The following CD44 variants were observed in gnomAD, a reference collection of about 807,000 sequenced individuals.
The protein encoded by CD44 is CD44 antigen.
CD44 carries 49 observed loss-of-function variants against 88.8 expected under a neutral mutation model. The observed-to-expected ratio is 0.55, with a 90% CI of 0.44 to 0.70. The LOEUF is 0.70. Ranked by LOEUF, CD44 falls within the 30% of genes least tolerant of loss-of-function variation. The pLI is 0.00. For missense variants in CD44, 883 were observed against 913.8 expected, an observed-to-expected ratio of 0.97 and a Z score of 0.43; for synonymous variants, 325 against 312.3, an observed-to-expected ratio of 1.04 and a Z score of -0.43.
chr11:35,171,064 T>C (rs1943823243), intron 1 of CD44, among the ~76,000 whole-genome samples: 1 of 152,220 alleles, frequency 6.6e-6, no homozygotes, highest in South Asian at 2.1e-4. Context: ...GTGCCTAAAA[T>C]AGAGCCTGGC....
intron 3 of CD44, among the ~76,000 whole-genome samples, chr11:35,181,906 A>ATTATATATTATATATTATAATAT (rs1945108252): frequency 3.3e-5 from 2 of 60,838 alleles, no homozygotes; most frequent in African/African-American, 9.1e-5. Flanking sequence ...TATAATATAT[A>ATTATATATTATATATTATAATAT]ATATATATTA....
chr11:35,167,127 T>C (rs1943375897), intron 1 of CD44, among the ~76,000 whole-genome samples: 2 of 152,220 alleles, frequency 1.3e-5, no homozygotes, highest in African/African-American at 4.8e-5. Context: ...CTTCTTCGTG[T>C]CCTATTAAGA....
At chr11:35,205,526 T>C (rs144520930) in intron 10 of CD44, among the ~76,000 whole-genome samples, 1 of 152,346 alleles carries the variant, frequency 6.6e-6, no homozygotes, top group African/African-American at 2.4e-5. Flanking sequence ...TACTTCTTCA[T>C]TGGCTCAGAA....
intron 11 of CD44, among the ~76,000 whole-genome samples, chr11:35,207,857 C>T (rs935031256): frequency 2.6e-5 from 4 of 152,188 alleles, no homozygotes; most frequent in African/African-American, 9.7e-5. Context: ...GGAGTCCTTC[C>T]AGACTCAGCA....
intron 5 of CD44, chr11:35,190,276 T>C (rs1053358063): frequency 8.5e-6 from 5 of 587,380 alleles, no homozygotes; most frequent in Non-Finnish European, 1.5e-5. Flanking sequence ...TCTATAACTG[T>C]TTTTCTTACC....
At chr11:35,168,027 C>T (rs765004065) in intron 1 of CD44, among the ~76,000 whole-genome samples, 1 of 152,226 alleles carries the variant, frequency 6.6e-6, no homozygotes, top group Non-Finnish European at 1.5e-5. Context: ...ACTTCAGAAT[C>T]TCCTCTCTGG....
intron 3 of CD44, among the ~76,000 whole-genome samples, chr11:35,182,640 A>C (rs544847217): frequency 6.6e-6 from 1 of 152,328 alleles, no homozygotes; most frequent in African/African-American, 2.4e-5. Context: ...GACATAGAGC[A>C]ACATGTGGTC....
intron 1 of CD44, among the ~76,000 whole-genome samples, chr11:35,162,875 C>A (rs1374119338): frequency 6.6e-6 from 1 of 152,040 alleles, no homozygotes; most frequent in Non-Finnish European, 1.5e-5. Context: ...TGCACACAGA[C>A]AGAAACACAC....
At position 35,189,950 on chromosome 11, in the gene CD44, T is replaced by C. The variant is rs752975994; in HGVS notation, c.552T>C (p.Ser184=). ...TDDDVSSGSS[S]ERSSTSGGYI... ...ATGACGTGAGCAGCGGCTCCTCCAG[T>C]GAAAGGAGCAGCACTTCAGGAGGTT... Residue 184 remains serine, a synonymous_variant, in exon 5 of 18, where the codon AGT becomes AGC. Transcript: ENST00000428726. The C allele has an allele frequency of 8.7e-6, 14 of 1,613,898 alleles. No individual in the cohort carries two copies. The highest frequency in any genetic ancestry group is 2.7e-5 in the African/African-American group (2 of 74,912).
At chr11:35,163,924 A>G (rs1385191508) in intron 1 of CD44, among the ~76,000 whole-genome samples, 1 of 152,090 alleles carries the variant, frequency 6.6e-6, no homozygotes, top group Non-Finnish European at 1.5e-5. Flanking sequence ...CACCTCTCTC[A>G]GCCTCAGTTT....
At chr11:35,156,038 C>T (rs1941819129) in intron 1 of CD44, among the ~76,000 whole-genome samples, 1 of 152,140 alleles carries the variant, frequency 6.6e-6, no homozygotes, top group Non-Finnish European at 1.5e-5. Flanking sequence ...AGTTTCTACC[C>T]CAGAGCTGAT....
intron 11 of CD44, among the ~76,000 whole-genome samples, chr11:35,207,486 T>C (rs1365304148): frequency 6.6e-6 from 1 of 152,244 alleles, no homozygotes; most frequent in Non-Finnish European, 1.5e-5. Context: ...ATTTCTGCAC[T>C]ACTCAACATT....
chr11:35,196,616 T>C, intron 5 of CD44, 130 bp from the exon 6 acceptor site: 1 of 1,039,618 alleles, frequency 9.6e-7, no homozygotes. Context: ...CTTTTTCCCT[T>C]TCTTTTCACC....
intron 15 of CD44, chr11:35,219,000 GT>G: frequency 3.3e-6 from 1 of 303,744 alleles, no homozygotes; most frequent in Non-Finnish European, 6.3e-6. Context: ...CACATGGCTA[GT>G]TAGCAAGGGA....
Position 35,229,840 on chromosome 11 carries a change from T to A in CD44, c.*507T>A, listed in dbSNP as rs1949972597. The stretch of plus-strand genomic sequence containing the variant: ...TCAACAGACCCCCTCTAGAAATTTT[T>A]CAGATGCTTCTGGGAGACACCCAAA... On this transcript the variant is annotated 3_prime_UTR_variant, in exon 18 of 18. Coordinates refer to ENST00000428726, the MANE Select transcript of CD44 (RefSeq NM_000610.4). 1 of 159,220 alleles carries A rather than the reference T, an allele frequency of 6.3e-6. No homozygotes were observed. The highest frequency in any genetic ancestry group is 1.8e-4 in the South Asian group (1 of 5,460). 9.9% of individuals were successfully genotyped at this position (159,220 alleles called of 1,614,324 possible).
At position 35,223,374 on chromosome 11, in the gene CD44, C is replaced by G. The variant is rs926036134; in HGVS notation, c.2024+1642C>G. On this transcript the variant is annotated intron_variant, in intron 17 of 17. Coordinates refer to ENST00000428726, the MANE Select transcript of CD44 (RefSeq NM_000610.4). The stretch of plus-strand genomic sequence containing the variant: ...AGCCCTAGAATGCACCACTTTTGCT[C>G]ACATACACAGTCCATAAGCTTTGCA... 8 of 712,580 alleles carry G rather than the reference C, an allele frequency of 1.1e-5. No homozygotes were observed. In the African/African-American group the frequency reaches 1.4e-4, roughly 12 times the overall value. The allele number at this position is 712,580 out of a possible 1,614,324, so 44.1% of individuals were successfully genotyped here.
intron 1 of CD44, among the ~76,000 whole-genome samples, chr11:35,169,947 T>C (rs758218749): frequency 6.6e-6 from 1 of 152,236 alleles, no homozygotes; most frequent in Non-Finnish European, 1.5e-5. Flanking sequence ...CACCACTTTG[T>C]GCCTCAGTTT....
chr11:35,188,479 G>A (rs893444562), intron 4 of CD44, among the ~76,000 whole-genome samples: 1 of 152,210 alleles, frequency 6.6e-6, no homozygotes, highest in Admixed American at 6.5e-5. Context: ...CCAGCCCATA[G>A]TAGAGGTTTA....
At chr11:35,183,124 A>G (rs557410182) in intron 3 of CD44, among the ~76,000 whole-genome samples, 2 of 152,212 alleles carry the variant, frequency 1.3e-5, no homozygotes, top group Admixed American at 6.5e-5. Flanking sequence ...GAATTAAATA[A>G]TAAAGCTAGA....
Sources: allele counts gnomAD v4.1 joint callset (sites outside exome capture counted in the v4.1 genomes callset), GRCh38; gene constraint gnomAD v4.1.1; transcripts MANE v1.5; gene names NCBI Gene and HGNC (gene_info 2026-07-23, HGNC 2026-07-21).